SLC8A1: variants seen among roughly 807,000 people sequenced by gnomAD.
The protein encoded by SLC8A1 is sodium/calcium exchanger 1.
SLC8A1 carries 18 observed loss-of-function variants against 68.3 expected under a neutral mutation model. The ratio of observed to expected loss-of-function variants is 0.26; its 90% CI spans 0.18 to 0.39. The LOEUF is 0.39. SLC8A1 is among the 10% of genes least tolerant of loss of function. SLC8A1 has a pLI of 1.00. For synonymous variants in SLC8A1, 475 were observed against 415.5 expected (o/e 1.14, Z -1.74); for missense variants, 985 against 1,156.7 (o/e 0.85, Z 2.15).
chr2:40,339,009 G>A (rs1666883874), intron 2 of SLC8A1, among the ~76,000 whole-genome samples: 2 of 152,142 alleles, frequency 1.3e-5, no homozygotes, highest in African/African-American at 2.4e-5. Flanking sequence ...TCAGATGATG[G>A]GCTGCTCTGT....
At chr2:40,269,681 G>A (rs1218063054) in intron 2 of SLC8A1, among the ~76,000 whole-genome samples, 1 of 152,174 alleles carries the variant, frequency 6.6e-6, no homozygotes, top group East Asian at 1.9e-4. Flanking sequence ...TTGTAAGGGA[G>A]CATGAAGTGA....
chr2:40,147,416 G>A (rs1192120233), intron 6 of SLC8A1, among the ~76,000 whole-genome samples: 1 of 152,112 alleles, frequency 6.6e-6, no homozygotes, highest in African/African-American at 2.4e-5. Flanking sequence ...CCAAGCTCCC[G>A]AAATAGGGAA....
At chr2:40,500,795 CTTTTTTTTTT>C (rs1191619172) in intron 1 of SLC8A1, among the ~76,000 whole-genome samples, 7 of 37,230 alleles carry the variant, frequency 1.9e-4, no homozygotes, top group Admixed American at 9.7e-4. Flanking sequence ...TATCATCTGA[CTTTTTTTTTT>C]TTTTTTTTTT....
chr2:40,386,568 T>C (rs1310227407), intron 2 of SLC8A1, among the ~76,000 whole-genome samples: 2 of 84,450 alleles, frequency 2.4e-5, no homozygotes, highest in Non-Finnish European at 6.3e-5. Flanking sequence ...ACTACCCTTT[T>C]ATGATATACA....
chr2:40,354,242 A>C (rs973435135), intron 2 of SLC8A1, among the ~76,000 whole-genome samples: 1 of 152,170 alleles, frequency 6.6e-6, no homozygotes, highest in Non-Finnish European at 1.5e-5. Context: ...CTCATGAAAG[A>C]GAAATTGTTT....
chr2:40,147,997 C>CTT (rs1438495866), intron 6 of SLC8A1, among the ~76,000 whole-genome samples: 1 of 152,166 alleles, frequency 6.6e-6, no homozygotes, highest in Non-Finnish European at 1.5e-5. Flanking sequence ...ATCTAAAACT[C>CTT]TGTCACCTCG....
At chr2:40,293,155 G>A (rs1404724063) in intron 2 of SLC8A1, among the ~76,000 whole-genome samples, 2 of 151,962 alleles carry the variant, frequency 1.3e-5, no homozygotes, top group African/African-American at 2.4e-5. Flanking sequence ...AGTTAACTCA[G>A]GATCCTCCTA....
At chr2:40,214,685 G>A (rs1295851705) in intron 2 of SLC8A1, among the ~76,000 whole-genome samples, 1 of 151,820 alleles carries the variant, frequency 6.6e-6, no homozygotes, top group Non-Finnish European at 1.5e-5. Context: ...TGATCCGCCT[G>A]CCTTGGCCTC....
intron 2 of SLC8A1, among the ~76,000 whole-genome samples, chr2:40,258,223 G>A (rs1378989430): frequency 6.6e-6 from 1 of 152,170 alleles, no homozygotes; most frequent in Non-Finnish European, 1.5e-5. Flanking sequence ...ACATCTCCAA[G>A]GTCGGATGTA....
intron 4 of SLC8A1, 143 bp from the exon 8 acceptor site, chr2:40,165,127 A>G: frequency 1.1e-6 from 1 of 937,546 alleles, no homozygotes; most frequent in Non-Finnish European, 1.6e-6. Flanking sequence ...TGCTGGAGGG[A>G]AGAGCCAGAC....
intron 1 of SLC8A1, among the ~76,000 whole-genome samples, chr2:40,500,883 G>A (rs1329621607): frequency 1.7e-5 from 2 of 120,768 alleles, no homozygotes; most frequent in Non-Finnish European, 3.2e-5. Flanking sequence ...CTTTTACAAA[G>A]GTAAACTAGA....
intron 2 of SLC8A1, among the ~76,000 whole-genome samples, chr2:40,200,189 TA>T (rs2053912187): frequency 9.0e-5 from 1 of 11,068 alleles, no homozygotes; most frequent in South Asian, 1.8e-3. Flanking sequence ...TATATATATA[TA>T]TTTATATATA....
intron 2 of SLC8A1, among the ~76,000 whole-genome samples, chr2:40,334,368 G>C (rs907915878): frequency 6.6e-6 from 1 of 152,128 alleles, no homozygotes; most frequent in Admixed American, 6.5e-5. Flanking sequence ...AACCATTTCA[G>C]TTTTATATAG....
At chr2:40,175,126 G>A in intron 3 of SLC8A1, 135 bp downstream of exon 4, 4 of 869,702 alleles carry the variant, frequency 4.6e-6, no homozygotes, top group Non-Finnish European at 7.3e-6. Flanking sequence ...TTGACAAAAT[G>A]AGGTCAATGG....
At chr2:40,306,130 C>G (rs1346751503) in intron 2 of SLC8A1, among the ~76,000 whole-genome samples, 11 of 152,162 alleles carry the variant, frequency 7.2e-5, no homozygotes, top group Admixed American at 7.2e-4. Flanking sequence ...CATAGAAAGG[C>G]AAACCAGTAA....
At chr2:40,353,979 C>A (rs6709574) in intron 2 of SLC8A1, among the ~76,000 whole-genome samples, 69,303 of 151,754 alleles carry the variant, frequency 0.46, 16,675 homozygotes, top group Admixed American at 0.58. Flanking sequence ...GTGGTTGATC[C>A]AATCAACACA....
chr2:40,165,041 C>T, intron 4 of SLC8A1, 57 bp from the exon 8 acceptor site: 1 of 1,604,538 alleles, frequency 6.2e-7, no homozygotes, highest in Non-Finnish European at 8.5e-7. Context: ...TTGGAAATCC[C>T]TGGATCCTGC....
chr2:40,331,543 A>G (rs1029240208), intron 2 of SLC8A1, among the ~76,000 whole-genome samples: 2 of 151,850 alleles, frequency 1.3e-5, no homozygotes, highest in African/African-American at 2.4e-5. Context: ...TTGTACTAAA[A>G]CTCATCAATT....
At chr2:40,378,118 C>T (rs939390296) in intron 2 of SLC8A1, among the ~76,000 whole-genome samples, 6 of 151,990 alleles carry the variant, frequency 3.9e-5, no homozygotes, top group South Asian at 4.1e-4. Flanking sequence ...AAATCTATGC[C>T]TTTATAGAGT....
Sources: allele counts gnomAD v4.1 joint callset (sites outside exome capture counted in the v4.1 genomes callset), GRCh38; gene constraint gnomAD v4.1.1; transcripts MANE v1.5; gene names NCBI Gene and HGNC (gene_info 2026-07-23, HGNC 2026-07-21).